The following XIST variants were observed in gnomAD, a reference collection of about 807,000 sequenced individuals.
XIST encodes the protein X inactive specific transcript (non-protein coding).
At chrX:73,846,032 G>C in exon 1 of XIST, 1 of 556,632 alleles carries the variant, frequency 1.8e-6, no homozygotes, top group Non-Finnish European at 3.2e-6. Flanking sequence ...ACTTACAACT[G>C]TGCACCTTGA....
chrX:73,830,997 G>A, intron 4 of XIST: 1 of 512,266 alleles, frequency 2.0e-6, no homozygotes, highest in Non-Finnish European at 3.5e-6. Flanking sequence ...AACACTAAGT[G>A]CAATGTATAC....
exon 6 of XIST, chrX:73,827,458 A>G: frequency 1.8e-6 from 1 of 540,887 alleles, no homozygotes; most frequent in Non-Finnish European, 3.3e-6. Flanking sequence ...ATACTGAAAT[A>G]GAAAATCACA....
At chrX:73,851,357 T>G in exon 1 of XIST, 1 of 559,320 alleles carries the variant, frequency 1.8e-6, no homozygotes. Flanking sequence ...TGTTTTACAC[T>G]GCGGCAAGAC....
exon 6 of XIST, chrX:73,825,318 TTG>T (rs758877636): frequency 1.1e-5 from 6 of 557,955 alleles, no homozygotes; most frequent in East Asian, 6.5e-5. Context: ...AAACAATTCC[TTG>T]TGTCTGCATA....
exon 1 of XIST, chrX:73,841,838 G>T (rs1366458664): frequency 1.9e-6 from 1 of 513,611 alleles, no homozygotes; most frequent in South Asian, 2.5e-5. Flanking sequence ...CTCTGCATAT[G>T]TTCCCTCATT....
chrX:73,846,742 G>A, exon 1 of XIST: 1 of 559,181 alleles, frequency 1.8e-6, no homozygotes, highest in South Asian at 2.2e-5. Flanking sequence ...CATATTGGGA[G>A]GCCAAGAAAT....
At chrX:73,827,435 C>T (rs762440675) in exon 6 of XIST, 2 of 545,984 alleles carry the variant, frequency 3.7e-6, no homozygotes, top group Non-Finnish European at 3.3e-6. Context: ...CAAATACAAG[C>T]CAACAGAGAT....
At chrX:73,842,057 A>C (rs764002323) in exon 1 of XIST, 13 of 548,581 alleles carry the variant, frequency 2.4e-5, no homozygotes, top group Admixed American at 1.1e-4. Flanking sequence ...CACCACCCTC[A>C]GTTAAAATGA....
rs750479474 is a variant in XIST, at chrX:73,846,973, T to C, written n.5751A>G. ...ACAGTTCGAAGAGAAGGGCTTAATA[T>C]TGATTAGCACTCTCTGCTTTGATAA... On this transcript the variant is annotated non_coding_transcript_exon_variant, in exon 1 of 6. Coordinates refer to ENST00000429829, the Ensembl canonical transcript of XIST. 101 of 557,758 alleles carry C rather than the reference T, an allele frequency of 1.8e-4. 1 individual carries two copies. In the South Asian group the frequency reaches 2.1e-3, roughly 11 times the overall value. The allele number at this position is 557,758 out of a possible 1,213,427, so 46.0% of individuals were successfully genotyped here. A position where few individuals can be genotyped will look rare whatever the true frequency, so the allele number is the denominator to read the frequency against.
intron 2 of XIST, among the ~76,000 whole-genome samples, chrX:73,836,649 G>A (rs1313307127): frequency 9.0e-6 from 1 of 111,593 alleles, no homozygotes; most frequent in East Asian, 2.8e-4. Context: ...AACTGAAAAG[G>A]TCTTGAAGGA....
At chrX:73,826,937 A>C in exon 6 of XIST, 2 of 558,419 alleles carry the variant, frequency 3.6e-6, no homozygotes, top group Non-Finnish European at 6.5e-6. Context: ...ACTTCCATCC[A>C]ACTCAGGCCT....
Position 73,833,155 on chromosome X carries a change from G to A in XIST, n.11543+83C>T. On this transcript the variant is annotated intron_variant and non_coding_transcript_variant, in intron 3 of 5. Transcript: ENST00000429829. ...TTACAAGCAGGAGCCACCATGCCCA[G>A]CTGTGTTCTGCTTTAAAAAGGAGAG... is the stretch of plus-strand genomic sequence containing the variant. The A allele has an allele frequency of 2.0e-5, 10 of 502,180 alleles. No individual in the cohort carries two copies. The South Asian group carries it at 2.9e-4, about 15-fold the overall frequency. 41.4% of individuals were successfully genotyped at this position (502,180 alleles called of 1,213,427 possible).
At chrX:73,823,957 C>T (rs1196622111) in exon 6 of XIST, 2 of 552,262 alleles carry the variant, frequency 3.6e-6, no homozygotes, top group African/African-American at 4.5e-5. Flanking sequence ...ATAGTTCATT[C>T]CTATCTGTAT....
chrX:73,844,820 A>T, exon 1 of XIST: 1 of 557,196 alleles, frequency 1.8e-6, no homozygotes, highest in East Asian at 3.3e-5. Flanking sequence ...AGTTACACAC[A>T]TTATTGACCA....
At position 73,841,332 on chromosome X, in the gene XIST, G is replaced by A. The variant is rs750710036; in HGVS notation, n.11342+50C>T. 9.1e-5 allele frequency: 40 copies of A among 440,159 alleles called. 1 individual carries two copies. The highest frequency in any genetic ancestry group is 7.0e-4 in the African/African-American group (29 of 41,192). 36.3% of individuals were successfully genotyped at this position (440,159 alleles called of 1,213,427 possible). On this transcript the variant is annotated intron_variant and non_coding_transcript_variant, in intron 1 of 5. Transcript: ENST00000429829. ...TTCTATAGGTGGCATCTAAGAGAAA[G>A]AAAATAGAATAGGAAAAAGATTACT...
chrX:73,848,312 G>A (rs1476197407), exon 1 of XIST: 1 of 555,599 alleles, frequency 1.8e-6, no homozygotes, highest in Admixed American at 2.2e-5. Context: ...TCTGGAGGAG[G>A]GGCATTAGGT....
exon 1 of XIST, chrX:73,852,230 G>T: frequency 1.8e-6 from 1 of 547,124 alleles, no homozygotes; most frequent in Non-Finnish European, 3.3e-6. Context: ...GAATCAGCAG[G>T]TATCCGATAC....
At chrX:73,841,397 C>T (rs2147703262) in exon 1 of XIST, 1 of 532,696 alleles carries the variant, frequency 1.9e-6, no homozygotes, top group East Asian at 3.3e-5. Flanking sequence ...TCTAAAGAGC[C>T]AGAGACTCTT....
chrX:73,825,870 C>T (rs1233289680), exon 6 of XIST: 1 of 558,495 alleles, frequency 1.8e-6, no homozygotes, highest in Non-Finnish European at 3.2e-6. Context: ...CAACTTCCCA[C>T]ATAAACAGGA....
Sources: gnomAD v4.1 joint callset for allele counts (sites outside exome capture counted in the v4.1 genomes callset) on GRCh38, gnomAD v4.1.1 for gene constraint, MANE v1.5 for transcripts, NCBI Gene and HGNC (gene_info 2026-07-23, HGNC 2026-07-21) for gene names.